DNAI7: variants seen among roughly 807,000 people sequenced by gnomAD.
DNAI7 encodes cancer susceptibility 1.
A neutral mutation model predicts 86.6 loss-of-function variants in DNAI7; 78 were observed. That is an observed-to-expected ratio of 0.90 (90% CI 0.75 to 1.09). The LOEUF (loss-of-function observed/expected upper bound fraction) is 1.09. Ranked by LOEUF, DNAI7 falls within the 50% of genes least tolerant of loss-of-function variation. The pLI is 0.00. For missense variants in DNAI7, 753 were observed against 810.2 expected (o/e 0.93, Z 0.86); for synonymous variants, 274 against 273.0 (o/e 1.00, Z -0.04).
chr12:25,152,012 T>G (rs1384248371), intron 6 of DNAI7, among the ~76,000 whole-genome samples: 3 of 152,200 alleles, frequency 2.0e-5, no homozygotes, highest in Non-Finnish European at 2.9e-5. Context: ...ATAAGAGTAG[T>G]GAATTCCTTC....
At chr12:25,113,715 TA>T (rs1303860143) in intron 13 of DNAI7, among the ~76,000 whole-genome samples, 1 of 152,202 alleles carries the variant, frequency 6.6e-6, no homozygotes, top group Admixed American at 6.5e-5. Context: ...TTACATATCA[TA>T]AAATTCACCT....
intron 12 of DNAI7, among the ~76,000 whole-genome samples, chr12:25,118,347 T>C (rs1428686033): frequency 6.6e-6 from 1 of 152,100 alleles, no homozygotes; most frequent in Non-Finnish European, 1.5e-5. Context: ...CACTGCAACC[T>C]CTGCCTCCTG....
intron 2 of DNAI7, among the ~76,000 whole-genome samples, chr12:25,179,902 T>A (rs956510368): frequency 2.0e-5 from 3 of 152,150 alleles, no homozygotes; most frequent in Admixed American, 6.5e-5. Context: ...GTGTCCACTC[T>A]CATCATTCCT....
chr12:25,155,885 G>A (rs151005482), intron 4 of DNAI7, among the ~76,000 whole-genome samples: 8,959 of 152,212 alleles, frequency 0.059, 362 homozygotes, highest in Non-Finnish European at 0.089. Flanking sequence ...TGAGGCAGGC[G>A]GATCACTTGA....
Position 25,149,609 on chromosome 12 carries a change from A to T in DNAI7, c.585+19T>A. On this transcript the variant is annotated intron_variant, in intron 7 of 15. Coordinates refer to ENST00000395987, the MANE Select transcript of DNAI7 (RefSeq NM_018272.5). ...TAGCTCTTATAAAACTTAATATATA[A>T]GCAAAATATCACACTTACTTTGAGA... The T allele has an allele frequency of 1.9e-6, 3 of 1,564,052 alleles. No homozygotes were observed. Among genetic ancestry groups the T allele is most frequent in the Non-Finnish European group, 2.6e-6 (3 of 1,151,130 alleles).
Position 25,108,703 on chromosome 12 carries a change from G to T in DNAI7, c.2014C>A (p.Leu672Ile), listed in dbSNP as rs1197254849. 3 of 1,613,112 alleles carry T rather than the reference G, an allele frequency of 1.9e-6. No homozygotes were observed. In the East Asian group the frequency reaches 6.7e-5, roughly 36 times the overall value. Residue 672 changes from leucine (L) to isoleucine (I), a missense_variant, in exon 16 of 16, where the codon CTT becomes ATT. Transcript: ENST00000395987. Reference sequence around the variant, plus strand: ...GAATGAAACTCAGTTTCTTCTTTAAGTGCTTCAGAAAATGCCTCACTCTCT... The same window carrying T: ...GAATGAAACTCAGTTTCTTCTTTAATTGCTTCAGAAAATGCCTCACTCTCT... Reference protein sequence around the residue: ...KEESEAFSEALKEETEFHSTL... With the variant: ...KEESEAFSEAIKEETEFHSTL...
intron 2 of DNAI7, among the ~76,000 whole-genome samples, chr12:25,181,456 G>GA (rs1217523401): frequency 1.3e-5 from 2 of 151,974 alleles, no homozygotes; most frequent in African/African-American, 4.8e-5. Context: ...AGAAAACCAG[G>GA]AAAAACTCTT....
chr12:25,112,022 T>G (rs1938954526), intron 13 of DNAI7, 83 bp from the exon 14 acceptor site: 2 of 805,000 alleles, frequency 2.5e-6, no homozygotes, highest in East Asian at 5.5e-5. Context: ...TTTAGATGCT[T>G]TATACATTTT....
chr12:25,127,435 A>AT (rs974033287), intron 9 of DNAI7, among the ~76,000 whole-genome samples: 3 of 152,206 alleles, frequency 2.0e-5, no homozygotes, highest in South Asian at 2.1e-4. Flanking sequence ...TTTTCCAAGT[A>AT]TTTTTTTCTT....
At position 25,114,676 on chromosome 12, in the gene DNAI7, C is replaced by T. The variant is rs1180087912; in HGVS notation, c.1591G>A (p.Glu531Lys). The change falls in exon 13 of 16, where the codon GAG becomes AAG. Residue 531 changes from glutamate to lysine, a missense_variant. Physicochemically the swap from Glu to Lys is moderately conservative, Grantham distance 56. Coordinates refer to ENST00000395987, the MANE Select transcript of DNAI7 (RefSeq NM_018272.5). ...CTCACCTTAATTTGTATTTGAATCT[C>T]AGTAAATACTGTAGTCACAGTTAAA... Reference protein sequence around the residue: ...VLLTVTTVFTEIQIQIKENLC... With the variant: ...VLLTVTTVFTKIQIQIKENLC... The T allele has an allele frequency of 1.2e-6, 2 of 1,609,892 alleles. No homozygotes were observed. The highest frequency in any genetic ancestry group is 1.7e-5 in the Admixed American group (1 of 60,022).
chr12:25,141,139 G>A (rs1431424186), intron 9 of DNAI7, among the ~76,000 whole-genome samples: 1 of 152,158 alleles, frequency 6.6e-6, no homozygotes, highest in Non-Finnish European at 1.5e-5. Context: ...AACCCTTCTA[G>A]ACATTGGCTT....
chr12:25,122,706 C>T (rs559686678), intron 10 of DNAI7, among the ~76,000 whole-genome samples: 6 of 152,266 alleles, frequency 3.9e-5, no homozygotes, highest in Non-Finnish European at 8.8e-5. Flanking sequence ...AATGCAAACA[C>T]TTGTTAATAC....
Position 25,108,778 on chromosome 12 carries a change from C to T in DNAI7, c.1939G>A (p.Ala647Thr). 1 of 1,378,346 alleles carries T rather than the reference C, an allele frequency of 7.3e-7. No homozygotes were observed. Among genetic ancestry groups the T allele is most frequent in the Non-Finnish European group, 9.7e-7 (1 of 1,025,660 alleles). 85.4% of individuals were successfully genotyped at this position (1,378,346 alleles called of 1,614,324 possible). The change falls in exon 16 of 16, where the codon GCC (alanine) becomes ACC (threonine). Residue 647 changes from alanine (A) to threonine (T), a missense_variant. Transcript: ENST00000395987. ...CTGTCACCACTAAACATTAAAAGGGCCCAATTAGGATTCTCAGTACATGCT... is the reference window on the plus strand; with the variant it reads ...CTGTCACCACTAAACATTAAAAGGGTCCAATTAGGATTCTCAGTACATGCT... ...TEACTENPNW[A>T]LLMFSGDRAQ...
chr12:25,130,157 T>A (rs1942708034), intron 9 of DNAI7, among the ~76,000 whole-genome samples: 1 of 152,198 alleles, frequency 6.6e-6, no homozygotes, highest in Admixed American at 6.5e-5. Context: ...GATTGTTAGC[T>A]CATTAAAAAC....
intron 8 of DNAI7, among the ~76,000 whole-genome samples, chr12:25,145,584 A>G (rs1368194034): frequency 1.3e-5 from 2 of 152,130 alleles, no homozygotes; most frequent in Non-Finnish European, 1.5e-5. Flanking sequence ...GTAAACCAAA[A>G]AGTTGGTTTT....
chr12:25,148,388 T>C (rs1466293208), intron 7 of DNAI7, among the ~76,000 whole-genome samples: 1 of 152,234 alleles, frequency 6.6e-6, no homozygotes, highest in Admixed American at 6.5e-5. Flanking sequence ...CTTGATCGCT[T>C]GCTTAAGGTG....
chr12:25,189,361 C>A (rs1216610861), intron 2 of DNAI7, among the ~76,000 whole-genome samples: 1 of 152,108 alleles, frequency 6.6e-6, no homozygotes, highest in Non-Finnish European at 1.5e-5. Context: ...AGAGTATAAG[C>A]CAGGCGCAGT....
chr12:25,178,741 G>A (rs1222009260), intron 2 of DNAI7, among the ~76,000 whole-genome samples: 3 of 152,102 alleles, frequency 2.0e-5, no homozygotes. Flanking sequence ...GTTGTGAAAG[G>A]GACGAAATCA....
At chr12:25,186,745 T>C (rs1444429508) in intron 2 of DNAI7, among the ~76,000 whole-genome samples, 1 of 151,984 alleles carries the variant, frequency 6.6e-6, no homozygotes, top group East Asian at 1.9e-4. Context: ...AGAAGGGTGA[T>C]TGTGACAGAG....
Sources: allele counts gnomAD v4.1 joint callset (sites outside exome capture counted in the v4.1 genomes callset), GRCh38; gene constraint gnomAD v4.1.1; transcripts MANE v1.5; gene names NCBI Gene and HGNC (gene_info 2026-07-23, HGNC 2026-07-21).